Variants in GTF3C1 observed in about 807,000 individuals in gnomAD.
GTF3C1 encodes general transcription factor 3C polypeptide 1.
GTF3C1 carries 57 observed loss-of-function variants against 226.7 expected under a neutral mutation model. The ratio of observed to expected loss-of-function variants is 0.25; its 90% CI spans 0.20 to 0.31. GTF3C1 has a LOEUF of 0.31. Among genes scored for constraint, GTF3C1 ranks in the 10% least tolerant of loss-of-function variants. The pLI is 1.00. For synonymous variants in GTF3C1, 1,090 were observed against 1,084.8 expected (o/e 1.00, Z -0.09); for missense variants, 2,217 against 2,776.1 (o/e 0.80, Z 4.53).
intron 5 of GTF3C1, among the ~76,000 whole-genome samples, chr16:27,529,994 G>C (rs1041373070): frequency 6.6e-6 from 1 of 152,150 alleles, no homozygotes; most frequent in African/African-American, 2.4e-5. Flanking sequence ...TCACCCTCCT[G>C]GGCACTGCTG....
chr16:27,488,628 G>A lies in GTF3C1; in HGVS notation c.3437C>T (p.Thr1146Ile). The A allele has an allele frequency of 1.9e-6, 3 of 1,612,138 alleles. No homozygotes were observed. Among genetic ancestry groups the A allele is most frequent in the South Asian group, 1.1e-5 (1 of 91,040 alleles). The change falls in exon 22 of 37, where the codon ACT becomes ATT. Residue 1146 changes from threonine to isoleucine, a missense_variant. Coordinates refer to ENST00000356183, the MANE Select transcript of GTF3C1 (RefSeq NM_001520.4). ...YIINQAKKEN[T>I]AAENGLTVRL... ...CACTGTGAGTCCATTCTCTGCGGCA[G>A]TGTTCTCCTGTGAGACAAGCACAGC...
chr16:27,486,498 G>A (rs190644166), intron 23 of GTF3C1, among the ~76,000 whole-genome samples: 15 of 152,226 alleles, frequency 9.9e-5, no homozygotes, highest in African/African-American at 2.4e-4. Context: ...CCTACAGTGC[G>A]TGCTCGGGGC....
intron 27 of GTF3C1, among the ~76,000 whole-genome samples, chr16:27,480,137 C>G (rs1026236547): frequency 6.2e-5 from 9 of 146,296 alleles, no homozygotes; most frequent in Admixed American, 5.0e-4. Flanking sequence ...GGAAGCGGAG[C>G]TTGCAGTGAG....
intron 6 of GTF3C1, among the ~76,000 whole-genome samples, chr16:27,524,371 G>A (rs1421877647): frequency 6.6e-6 from 1 of 152,182 alleles, no homozygotes; most frequent in African/African-American, 2.4e-5. Flanking sequence ...AAAACACACG[G>A]CTAGATTGGG....
At chr16:27,490,786 A>G (rs1286878488) in intron 19 of GTF3C1, among the ~76,000 whole-genome samples, 2 of 152,148 alleles carry the variant, frequency 1.3e-5, no homozygotes, top group South Asian at 2.1e-4. Context: ...CACCTGCTCT[A>G]AAAGATGATT....
intron 10 of GTF3C1, 64 bp downstream of exon 10, chr16:27,505,835 C>A: frequency 1.1e-6 from 1 of 931,206 alleles, no homozygotes. Flanking sequence ...GATTCCTAAA[C>A]ACAGAAACGA....
At chr16:27,528,811 C>T in intron 5 of GTF3C1, 90 bp from the exon 6 acceptor site, 2 of 1,248,534 alleles carry the variant, frequency 1.6e-6, no homozygotes, top group African/African-American at 1.5e-5. Context: ...AAGTTCAGGA[C>T]CTGAATTAAT....
chr16:27,529,080 C>T (rs1417075742), intron 5 of GTF3C1, among the ~76,000 whole-genome samples: 1 of 151,762 alleles, frequency 6.6e-6, no homozygotes, highest in Non-Finnish European at 1.5e-5. Flanking sequence ...CTAATACAAA[C>T]ACACACACAC....
Position 27,489,658 on chromosome 16 carries a change from C to T in GTF3C1, c.3237G>A (p.Glu1079=). The stretch of plus-strand genomic sequence containing the variant: ...CCAGGTTGTGCTTGTCCATGGCGCT[C>T]TCCTGCTCCTTCTGCAGGCTGCCCT... ...DEEGSLQKEQ[E]SAMDKHNLER... Residue 1079 remains glutamate, a synonymous_variant, in exon 20 of 37, where the codon GAG becomes GAA. Transcript: ENST00000356183. 2.5e-6 allele frequency: 4 copies of T among 1,611,872 alleles called. No homozygotes were observed. The highest frequency in any genetic ancestry group is 3.4e-6 in the Non-Finnish European group (4 of 1,179,516).
chr16:27,494,990 G>C, intron 15 of GTF3C1, 82 bp from the exon 16 acceptor site: 1 of 1,257,014 alleles, frequency 8.0e-7, no homozygotes, highest in South Asian at 1.3e-5. Flanking sequence ...TCTCCCAGGA[G>C]GTCTTGGTGT....
At chr16:27,495,062 C>T in intron 15 of GTF3C1, 149 bp downstream of exon 15, 2 of 873,826 alleles carry the variant, frequency 2.3e-6, no homozygotes, top group South Asian at 3.2e-5. Context: ...AGGAAGAAAG[C>T]CTGCAGGTTC....
intron 6 of GTF3C1, among the ~76,000 whole-genome samples, chr16:27,521,491 G>GTC (rs1567408621): frequency 6.6e-6 from 1 of 152,260 alleles, no homozygotes; most frequent in Non-Finnish European, 1.5e-5. Context: ...GGCTCCTGCT[G>GTC]TCTGCAGGAC....
intron 6 of GTF3C1, among the ~76,000 whole-genome samples, chr16:27,512,871 T>C (rs771404511): frequency 1.3e-5 from 2 of 152,136 alleles, no homozygotes; most frequent in Non-Finnish European, 2.9e-5. Flanking sequence ...TCCTGACAGC[T>C]TGTAAGTGAC....
Position 27,529,603 on chromosome 16 carries a change from T to C in GTF3C1, c.850-882A>G, listed in dbSNP as rs184523873. On this transcript the variant is annotated intron_variant, in intron 5 of 36. Transcript: ENST00000356183. ...AGGGGTGACCAACAGCAGCCTCCAGTGCAGGCGGTGCTTTTAAAATTGATA... is the reference window on the plus strand; with the variant it reads ...AGGGGTGACCAACAGCAGCCTCCAGCGCAGGCGGTGCTTTTAAAATTGATA... Among the ~76,000 whole-genome samples, 68 of 152,322 alleles carry C rather than the reference T, an allele frequency of 4.5e-4. 1 individual carries two copies. The highest frequency in any genetic ancestry group is 7.2e-4 in the Non-Finnish European group (49 of 68,030).
At chr16:27,537,761 G>A in intron 4 of GTF3C1, 23 bp downstream of exon 4, 1 of 1,573,202 alleles carries the variant, frequency 6.4e-7, no homozygotes, top group East Asian at 2.2e-5. Flanking sequence ...AAAACCTAAT[G>A]TTTTGGTCAC....
chr16:27,530,415 G>A (rs2088898371), intron 5 of GTF3C1, among the ~76,000 whole-genome samples: 1 of 152,152 alleles, frequency 6.6e-6, no homozygotes, highest in African/African-American at 2.4e-5. Flanking sequence ...GAAGGATGAT[G>A]TAGTCTTGCC....
chr16:27,548,266 C>T (rs1424369155), intron 1 of GTF3C1, among the ~76,000 whole-genome samples: 2 of 151,838 alleles, frequency 1.3e-5, no homozygotes, highest in African/African-American at 2.4e-5. Context: ...TTGTCTCGAA[C>T]ATTATTTTAT....
At chr16:27,506,256 G>T in intron 9 of GTF3C1, 140 bp from the exon 10 acceptor site, 2 of 600,956 alleles carry the variant, frequency 3.3e-6, no homozygotes, top group East Asian at 2.8e-5. Flanking sequence ...ACCAGCAGCA[G>T]CTTGGGCCCC....
intron 11 of GTF3C1, 129 bp from the exon 12 acceptor site, chr16:27,501,473 C>A (rs546423376): frequency 4.8e-5 from 39 of 814,864 alleles, no homozygotes; most frequent in Non-Finnish European, 7.0e-5. Context: ...GGTTTCCCCA[C>A]CCTGGAAAGA....
Sources: gnomAD v4.1 joint callset for allele counts (sites outside exome capture counted in the v4.1 genomes callset) on GRCh38, gnomAD v4.1.1 for gene constraint, MANE v1.5 for transcripts, NCBI Gene and HGNC (gene_info 2026-07-23, HGNC 2026-07-21) for gene names.